The following SLC16A7 variants were observed in gnomAD, a reference collection of about 807,000 sequenced individuals.
SLC16A7 encodes solute carrier family 16 member 7.
A neutral mutation model predicts 34.9 loss-of-function variants in SLC16A7; 33 were observed. The observed-to-expected ratio is 0.94, with a 90% CI of 0.72 to 1.26. The LOEUF (loss-of-function observed/expected upper bound fraction) is 1.26, where lower values mean the gene tolerates loss of function less well. Ranked by LOEUF, SLC16A7 falls within the 50% of genes most tolerant of loss-of-function variation. The probability of loss-of-function intolerance (pLI) is 0.00; values close to 1 mark genes in which losing one functional copy is unlikely to be tolerated. For missense variants in SLC16A7, 573 were observed against 578.1 expected (o/e 0.99, Z 0.09); for synonymous variants, 201 against 206.6 (o/e 0.97, Z 0.23).
At chr12:59,750,998 G>A (rs1879466468) in intron 3 of SLC16A7, among the ~76,000 whole-genome samples, 1 of 151,814 alleles carries the variant, frequency 6.6e-6, no homozygotes, top group Admixed American at 6.6e-5. Flanking sequence ...ACTCACAAGT[G>A]GGAGTTGAAC....
intron 1 of SLC16A7, among the ~76,000 whole-genome samples, chr12:59,648,253 A>G (rs562170581): frequency 3.9e-5 from 6 of 152,290 alleles, no homozygotes; most frequent in African/African-American, 9.6e-5. Context: ...AGTGGTATCA[A>G]TCTGTACAAT....
rs1043312585 is a variant in SLC16A7, at chr12:59,779,287, ATTTTT to A, written c.1181-133_1181-129del. ...AGCATATGTAGAAGTCATAATCTAG[ATTTTT>A]TTATTTTTAAAGTCTTATTTGACAT... On this transcript the variant is annotated intron_variant, in intron 5 of 5. Coordinates refer to ENST00000547379, the MANE Select transcript of SLC16A7 (RefSeq NM_001270623.2). 6.4e-5 allele frequency: 42 copies of A among 653,170 alleles called. No homozygotes were observed. In the Middle Eastern group the frequency reaches 1.3e-3, roughly 20 times the overall value. The allele number at this position is 653,170 out of a possible 1,614,324, so 40.5% of individuals were successfully genotyped here. A position where few individuals can be genotyped will look rare whatever the true frequency, so the allele number is the denominator to read the frequency against.
intron 1 of SLC16A7, among the ~76,000 whole-genome samples, chr12:59,640,781 A>G (rs952339151): frequency 5.3e-5 from 8 of 152,100 alleles, no homozygotes; most frequent in African/African-American, 1.9e-4. Flanking sequence ...TGGAAGCCTC[A>G]TAAAGAGTCT....
chr12:59,760,202 C>G (rs1880857431), intron 3 of SLC16A7, among the ~76,000 whole-genome samples: 1 of 152,008 alleles, frequency 6.6e-6, no homozygotes, highest in Admixed American at 6.6e-5. Flanking sequence ...AGGAATAAAT[C>G]TAGATTTTAT....
At chr12:59,703,256 T>C (rs954523489) in intron 2 of SLC16A7, among the ~76,000 whole-genome samples, 1 of 152,102 alleles carries the variant, frequency 6.6e-6, no homozygotes, top group Non-Finnish European at 1.5e-5. Flanking sequence ...AAATTTTACT[T>C]TATTGTAATT....
At chr12:59,614,989 C>T (rs1414682567) in intron 1 of SLC16A7, among the ~76,000 whole-genome samples, 1 of 151,200 alleles carries the variant, frequency 6.6e-6, no homozygotes, top group Non-Finnish European at 1.5e-5. Context: ...GTCGACAGAG[C>T]AAGGATCCAT....
chr12:59,665,712 G>A (rs1293249320), intron 2 of SLC16A7, among the ~76,000 whole-genome samples: 2 of 151,788 alleles, frequency 1.3e-5, no homozygotes, highest in Non-Finnish European at 2.9e-5. Context: ...CATTGCTTAA[G>A]TTACTGGCAT....
At chr12:59,753,709 TTAACAAGGA>T in intron 3 of SLC16A7, among the ~76,000 whole-genome samples, 1 of 151,970 alleles carries the variant, frequency 6.6e-6, no homozygotes, top group East Asian at 1.9e-4. Flanking sequence ...AGACAGAAAG[TTAACAAGGA>T]TACCCAGGAA....
chr12:59,671,199 A>G (rs1463417061), intron 2 of SLC16A7, among the ~76,000 whole-genome samples: 1 of 152,138 alleles, frequency 6.6e-6, no homozygotes, highest in East Asian at 1.9e-4. Flanking sequence ...TCATTTTACA[A>G]GTTACCAAAT....
intron 2 of SLC16A7, among the ~76,000 whole-genome samples, chr12:59,657,610 C>A (rs1477144567): frequency 3.3e-5 from 5 of 151,988 alleles, no homozygotes; most frequent in Non-Finnish European, 5.9e-5. Context: ...GCCCCATTCT[C>A]TGTGTTTGAC....
At chr12:59,723,720 C>CT (rs2137213363) in intron 3 of SLC16A7, among the ~76,000 whole-genome samples, 1 of 152,098 alleles carries the variant, frequency 6.6e-6, no homozygotes, top group Non-Finnish European at 1.5e-5. Flanking sequence ...CACAATGACT[C>CT]TGTGTGCTAT....
At chr12:59,619,366 A>G (rs1391076582) in intron 1 of SLC16A7, among the ~76,000 whole-genome samples, 1 of 152,028 alleles carries the variant, frequency 6.6e-6, no homozygotes, top group Non-Finnish European at 1.5e-5. Context: ...ATGAAAAGTG[A>G]TTATCCGGTT....
chr12:59,666,741 C>G (rs577160395), intron 2 of SLC16A7, among the ~76,000 whole-genome samples: 1 of 152,208 alleles, frequency 6.6e-6, no homozygotes, highest in Non-Finnish European at 1.5e-5. Flanking sequence ...TCCATTAAAC[C>G]TTTTTCCTTT....
rs751767014 is a variant in SLC16A7 at position 59,774,718 on chromosome 12, G to C, written c.423G>C (p.Arg141Ser). 4 of 1,613,090 alleles carry C rather than the reference G, an allele frequency of 2.5e-6. No homozygotes were observed. In the Admixed American group the frequency reaches 6.7e-5, roughly 27 times the overall value. The change falls in exon 5 of 6, where the codon AGG (arginine) becomes AGC (serine). Residue 141 changes from arginine to serine, a missense_variant. Arg to Ser is a moderately radical substitution (Grantham distance 110, BLOSUM62 -1). Coordinates refer to ENST00000547379, the MANE Select transcript of SLC16A7 (RefSeq NM_001270623.2). ...CCATAATTGGCAAATACTTCTATAG[G>C]AAGCGACCCATGGCAAATGGATTGG... ...ALTIIGKYFYRKRPMANGLAM... is the reference protein window; with the variant it reads ...ALTIIGKYFYSKRPMANGLAM...
intron 1 of SLC16A7, among the ~76,000 whole-genome samples, chr12:59,629,052 G>T (rs891594995): frequency 1.3e-5 from 2 of 151,774 alleles, no homozygotes; most frequent in Non-Finnish European, 2.9e-5. Flanking sequence ...GGGCCCTTTT[G>T]TTCTGACGTA....
At chr12:59,750,353 G>A (rs981005853) in intron 3 of SLC16A7, among the ~76,000 whole-genome samples, 3 of 151,888 alleles carry the variant, frequency 2.0e-5, no homozygotes, top group African/African-American at 7.3e-5. Flanking sequence ...TACAAAGAAT[G>A]TAAACAAATT....
At chr12:59,773,092 TTGATA>T (rs1407199114) in intron 4 of SLC16A7, among the ~76,000 whole-genome samples, 1 of 151,706 alleles carries the variant, frequency 6.6e-6, no homozygotes, top group Non-Finnish European at 1.5e-5. Context: ...GGGAAAATGA[TTGATA>T]TAAGATTAAA....
At chr12:59,758,882 A>C (rs1165100844) in intron 3 of SLC16A7, among the ~76,000 whole-genome samples, 2 of 152,016 alleles carry the variant, frequency 1.3e-5, no homozygotes, top group Non-Finnish European at 2.9e-5. Context: ...CATTATTTTA[A>C]TGCGTGTATG....
chr12:59,684,623 A>G (rs1179642793), intron 2 of SLC16A7, among the ~76,000 whole-genome samples: 1 of 152,174 alleles, frequency 6.6e-6, no homozygotes, highest in Non-Finnish European at 1.5e-5. Flanking sequence ...TCCACGCTGC[A>G]GCAAAATCAG....
Sources: allele counts gnomAD v4.1 joint callset (sites outside exome capture counted in the v4.1 genomes callset), GRCh38; gene constraint gnomAD v4.1.1; transcripts MANE v1.5; gene names NCBI Gene and HGNC (gene_info 2026-07-23, HGNC 2026-07-21).